The following TAAR8 variants were observed in gnomAD, a reference collection of about 807,000 sequenced individuals.
The protein encoded by TAAR8 is trace amine associated receptor 8, also known as trace amine-associated receptor 8.
For synonymous variants in TAAR8, 157 were observed against 152.7 expected (o/e 1.03, Z -0.21); for missense variants, 459 against 405.8 (o/e 1.13, Z -1.13).
exon 1 of TAAR8, chr6:132,553,513 C>T (rs760819863): frequency 2.5e-6 from 4 of 1,614,050 alleles, no homozygotes; most frequent in Non-Finnish European, 3.4e-6. Flanking sequence ...TTACCGTATA[C>T]AGTTGATATA....
At chr6:132,553,084 T>C (rs1427920813) in exon 1 of TAAR8, 3 of 1,614,214 alleles carry the variant, frequency 1.9e-6, no homozygotes, top group South Asian at 1.1e-5. Flanking sequence ...GACAGGTACA[T>C]TGTGGTTACT....
downstream of TAAR8, chr6:132,553,722 G>A (rs1037633014): frequency 1.4e-5 from 21 of 1,493,140 alleles, no homozygotes; most frequent in South Asian, 2.9e-5. Context: ...TTTAGAATAA[G>A]TTTAAGCACT....
At chr6:132,553,179 A>C (rs769553462) in exon 1 of TAAR8, 1 of 1,613,994 alleles carries the variant, frequency 6.2e-7, no homozygotes, top group East Asian at 2.2e-5. Flanking sequence ...TCTCACGTAC[A>C]GCGGTGCTGT....
exon 1 of TAAR8, chr6:132,553,518 G>A: frequency 1.2e-6 from 2 of 1,613,974 alleles, no homozygotes; most frequent in African/African-American, 1.3e-5. Context: ...GTATACAGTT[G>A]ATATATTAAT....
exon 1 of TAAR8, chr6:132,553,441 A>G: frequency 6.2e-7 from 1 of 1,612,640 alleles, no homozygotes; most frequent in South Asian, 1.1e-5. Context: ...AGAGTGGCCA[A>G]GAGAGAGAGG....
At chr6:132,553,676 T>A (rs766293571) in exon 1 of TAAR8, 1 of 1,609,728 alleles carries the variant, frequency 6.2e-7, no homozygotes, top group East Asian at 2.2e-5. Context: ...TAAGTGGAGA[T>A]GTTTTAAAGG....
At chr6:132,552,766 C>T in exon 1 of TAAR8, 13 of 1,614,136 alleles carry the variant, frequency 8.1e-6, no homozygotes, top group Non-Finnish European at 1.1e-5. Context: ...ATTGAAACTC[C>T]CTATTCTCCT....
In TAAR8 at chr6:132,552,888, A is replaced by G. The variant is rs145710596; in HGVS notation, c.196A>G (p.Thr66Ala). Residue 66 changes from threonine (T) to alanine (A), a missense_variant, in exon 1 of 1, where the codon ACC (threonine) becomes GCC (alanine). Physicochemically the swap from Thr to Ala is moderately conservative, Grantham distance 58 (BLOSUM62 0). Transcript: ENST00000275200. ...TCATTTTAAGCAGCTGCACTCTCCAACCAATTTTCTCATTGCCTCTCTGGC... is the reference window on the plus strand; with the variant it reads ...TCATTTTAAGCAGCTGCACTCTCCAGCCAATTTTCTCATTGCCTCTCTGGC... 1.4e-4 allele frequency: 229 copies of G among 1,614,066 alleles called. 1 individual carries two copies. Among genetic ancestry groups the G allele is most frequent in the African/African-American group, 2.8e-4 (21 of 75,002 alleles).
At chr6:132,553,721 A>G (rs2114537657) in exon 1 of TAAR8, 1 of 1,512,736 alleles carries the variant, frequency 6.6e-7, no homozygotes, top group African/African-American at 1.4e-5. Context: ...TTTTAGAATA[A>G]GTTTAAGCAC....
At chr6:132,553,406 A>G (rs1230143207) in exon 1 of TAAR8, 2 of 1,614,224 alleles carry the variant, frequency 1.2e-6, no homozygotes. Flanking sequence ...GCAAAGTAGA[A>G]TCATCCTCAG....
exon 1 of TAAR8, chr6:132,552,907 C>T (rs778011066): frequency 1.2e-6 from 2 of 1,614,224 alleles, no homozygotes; most frequent in South Asian, 1.1e-5. Context: ...CTCATTGCCT[C>T]TCTGGCCTGT....
Position 132,553,011 on chromosome 6 carries a change from C to T in TAAR8, c.319C>T (p.His107Tyr), listed in dbSNP as rs764622922. 3.7e-6 allele frequency: 6 copies of T among 1,614,106 alleles called. No homozygotes were observed. Among genetic ancestry groups the T allele is most frequent in the Middle Eastern group, 1.6e-4 (1 of 6,084 alleles). ...TTTTGGAGCCAAATTTTGTACTCTT[C>T]ACAGTTGCTGTGATGTGGCATTTTG... Residue 107 changes from histidine to tyrosine, a missense_variant, in exon 1 of 1, where the codon CAC (histidine) becomes TAC (tyrosine). His to Tyr is a moderately conservative substitution (Grantham distance 83). Coordinates refer to ENST00000275200, the Ensembl canonical transcript of TAAR8.
chr6:132,553,598 C>T, exon 1 of TAAR8: 1 of 1,614,096 alleles, frequency 6.2e-7, no homozygotes, highest in South Asian at 1.1e-5. Context: ...CTTATTATAA[C>T]TCAGCCATGA....
At chr6:132,553,055 C>T in exon 1 of TAAR8, 1 of 1,614,206 alleles carries the variant, frequency 6.2e-7, no homozygotes, top group Non-Finnish European at 8.5e-7. Flanking sequence ...CTGTCCTCCA[C>T]TTGTGCTTCA....
exon 1 of TAAR8, chr6:132,552,881 C>G: frequency 1.2e-6 from 2 of 1,614,220 alleles, no homozygotes; most frequent in Middle Eastern, 3.3e-4. Flanking sequence ...AGCAGCTGCA[C>G]TCTCCAACCA....
Position 132,553,230 on chromosome 6 carries a change from G to A in TAAR8, c.538G>A (p.Val180Ile), listed in dbSNP as rs1396517173. 3.7e-6 allele frequency: 6 copies of A among 1,614,078 alleles called. No individual in the cohort carries two copies. The East Asian group carries it at 8.9e-5, about 24-fold the overall frequency. ...CAATGATGATGGGCTGGAGGAATTA[G>A]TAAGTGCTCTCAACTGCGTAGGTGG... is the stretch of plus-strand genomic sequence containing the variant. The change falls in exon 1 of 1, where the codon GTA becomes ATA. Residue 180 changes from valine to isoleucine, a missense_variant. Coordinates refer to ENST00000275200, the Ensembl canonical transcript of TAAR8.
chr6:132,552,679 C>A (rs912771906), upstream of TAAR8: 2 of 1,578,668 alleles, frequency 1.3e-6, no homozygotes, highest in South Asian at 1.2e-5. Context: ...TAGCAAACAA[C>A]AAACAGCAGA....
In TAAR8 at chr6:132,552,800, G is replaced by A. The variant is rs61741482; in HGVS notation, c.108G>A (p.Thr36=). 2.5e-3 allele frequency: 4,071 copies of A among 1,614,052 alleles called. 91 individuals are homozygous for A. The African/African-American group carries it at 0.047, about 19-fold the overall frequency. Reference sequence around the variant, plus strand: ...CTGGGTCCCGGGTAATTCTGTACACGGCGTTTAGCTTTGGGTCTTTGCTGG... The same window carrying A: ...CTGGGTCCCGGGTAATTCTGTACACAGCGTTTAGCTTTGGGTCTTTGCTGG... The change falls in exon 1 of 1, where the codon ACG becomes ACA. Residue 36 remains threonine, a synonymous_variant. Transcript: ENST00000275200.
chr6:132,553,371 G>A, exon 1 of TAAR8: 2 of 1,614,022 alleles, frequency 1.2e-6, no homozygotes, highest in Admixed American at 3.3e-5. Flanking sequence ...TAAACAACAA[G>A]CTATAAAAAT....
Sources: allele counts gnomAD v4.1 joint callset, GRCh38; gene constraint gnomAD v4.1.1; transcripts MANE v1.5; gene names NCBI Gene and HGNC (gene_info 2026-07-23, HGNC 2026-07-21).